Variants in FGF14 observed in about 807,000 individuals in gnomAD.
FGF14 encodes fibroblast growth factor 14.
Under a neutral mutation model 25.5 loss-of-function variants are expected in FGF14, and 5 were observed. That is an observed-to-expected ratio of 0.20 (90% CI 0.10 to 0.41). The LOEUF is 0.41. Among genes scored for constraint, FGF14 ranks in the 10% least tolerant of loss-of-function variants. FGF14 has a pLI of 1.00. For missense variants in FGF14, 222 were observed against 320.1 expected, an observed-to-expected ratio of 0.69 and a Z score of 2.34; for synonymous variants, 138 against 118.3, an observed-to-expected ratio of 1.17 and a Z score of -1.08.
intron 3 of FGF14, among the ~76,000 whole-genome samples, chr13:101,848,846 T>TA (rs1247831133): frequency 6.6e-6 from 1 of 151,670 alleles, no homozygotes; most frequent in African/African-American, 2.4e-5. Context: ...TATATAAAAA[T>TA]AAAAAAATAA....
Position 102,113,419 on chromosome 13 carries a change from T to C in FGF14, c.209-238123A>G, listed in dbSNP as rs186883097. ...CATGCAGCAATCCCAGAAGGTGGCA[T>C]AGCAGAATACAACACCCTTCTTTAA... On this transcript the variant is annotated intron_variant, in intron 1 of 4. Transcript: ENST00000376131. Among the ~76,000 whole-genome samples, 28 of 152,328 alleles carry C rather than the reference T, an allele frequency of 1.8e-4. No individual in the cohort carries two copies. In the East Asian group the frequency reaches 5.2e-3, roughly 28 times the overall value.
intron 1 of FGF14, among the ~76,000 whole-genome samples, chr13:102,044,888 T>C (rs1595093933): frequency 6.6e-6 from 1 of 152,278 alleles, no homozygotes; most frequent in Admixed American, 6.5e-5. Flanking sequence ...ATACTCTAGA[T>C]CTATTGGAGA....
intron 1 of FGF14, among the ~76,000 whole-genome samples, chr13:102,129,311 C>T (rs1022868254): frequency 2.6e-5 from 4 of 151,562 alleles, no homozygotes; most frequent in African/African-American, 4.8e-5. Context: ...TTTTTCACTC[C>T]ATGTTGAACT....
In FGF14 at chr13:102,072,544, T is replaced by C. The variant is rs565539495; in HGVS notation, c.209-197248A>G. ...TTCTTAACAAATTTAATGATAGCCC[T>C]TCCCAAAATTCTACCAACACTGTCA... is the stretch of plus-strand genomic sequence containing the variant. On this transcript the variant is annotated intron_variant, in intron 1 of 4. Coordinates refer to the FGF14 transcript ENST00000376131. 1.7e-3 allele frequency among the ~76,000 whole-genome samples: 254 copies of C among 152,310 alleles called. 1 individual carries two copies. Among genetic ancestry groups the C allele is most frequent in the African/African-American group, 5.4e-3 (226 of 41,562 alleles).
chr13:102,040,671 T>A (rs2139994541), intron 1 of FGF14, among the ~76,000 whole-genome samples: 1 of 152,286 alleles, frequency 6.6e-6, no homozygotes, highest in South Asian at 2.1e-4. Context: ...TCTGCTTCCG[T>A]GTGTTAAAGC....
intron 1 of FGF14, among the ~76,000 whole-genome samples, chr13:102,230,846 T>A (rs1327580194): frequency 6.6e-6 from 1 of 152,192 alleles, no homozygotes; most frequent in Non-Finnish European, 1.5e-5. Context: ...ATTAAATGAA[T>A]GTATAATTAT....
chr13:102,105,452 A>C (rs1337374401), intron 1 of FGF14, among the ~76,000 whole-genome samples: 3 of 152,202 alleles, frequency 2.0e-5, no homozygotes, highest in Non-Finnish European at 4.4e-5. Context: ...AATATTTGAA[A>C]AAATGGGGGA....
At chr13:102,254,821 C>G (rs2052361014) in intron 1 of FGF14, among the ~76,000 whole-genome samples, 2 of 152,164 alleles carry the variant, frequency 1.3e-5, no homozygotes, top group South Asian at 4.2e-4. Context: ...CAGTTGGGAA[C>G]CACTGACATA....
At chr13:101,907,388 G>A (rs1019583984) in intron 1 of FGF14, among the ~76,000 whole-genome samples, 5 of 152,292 alleles carry the variant, frequency 3.3e-5, no homozygotes, top group South Asian at 2.1e-4. Flanking sequence ...AAGGGTACTG[G>A]TTGGGTAAAT....
At chr13:101,754,711 G>A (rs761147710) in intron 3 of FGF14, among the ~76,000 whole-genome samples, 24 of 151,996 alleles carry the variant, frequency 1.6e-4, no homozygotes, top group Non-Finnish European at 2.9e-4. Context: ...CCTGGGTGAC[G>A]AAGTAAGACT....
chr13:101,794,992 G>A (rs962819876), intron 3 of FGF14, among the ~76,000 whole-genome samples: 2 of 152,102 alleles, frequency 1.3e-5, no homozygotes, highest in African/African-American at 4.8e-5. Context: ...CTGCATAAAT[G>A]CAGCAAAACC....
At chr13:101,783,732 T>A (rs1164546423) in intron 3 of FGF14, among the ~76,000 whole-genome samples, 4 of 152,200 alleles carry the variant, frequency 2.6e-5, no homozygotes. Context: ...GGCATCTTTG[T>A]CATGAAAATC....
chr13:102,140,127 T>C (rs888525983), intron 1 of FGF14, among the ~76,000 whole-genome samples: 1 of 144,406 alleles, frequency 6.9e-6, no homozygotes, highest in Non-Finnish European at 1.5e-5. Flanking sequence ...ATTTGGAGAA[T>C]CTTATTAGTT....
upstream of FGF14, chr13:102,401,982 C>G: frequency 2.4e-6 from 1 of 420,306 alleles, no homozygotes; most frequent in Non-Finnish European, 4.3e-6. Context: ...GGTGGATCTG[C>G]AGAAGGCAAA....
At chr13:101,812,666 T>TTC (rs2041634811) in intron 3 of FGF14, among the ~76,000 whole-genome samples, 1 of 108,324 alleles carries the variant, frequency 9.2e-6, no homozygotes, top group African/African-American at 3.5e-5. Flanking sequence ...TTTTTTTTTT[T>TTC]TTTTTTTTTT....
At chr13:102,334,003 C>T (rs777225256) in intron 1 of FGF14, among the ~76,000 whole-genome samples, 1 of 152,128 alleles carries the variant, frequency 6.6e-6, no homozygotes, top group Admixed American at 6.5e-5. Context: ...GCTTGGCATG[C>T]CTGGTAGTCA....
At chr13:102,267,006 G>T (rs964913102) in intron 1 of FGF14, among the ~76,000 whole-genome samples, 4 of 151,994 alleles carry the variant, frequency 2.6e-5, no homozygotes, top group African/African-American at 9.7e-5. Flanking sequence ...TTTAACAAAA[G>T]AAGTCTTTCT....
intron 1 of FGF14, among the ~76,000 whole-genome samples, chr13:102,007,527 G>C (rs543473608): frequency 6.6e-6 from 1 of 152,198 alleles, no homozygotes. Flanking sequence ...AACAAAGCAT[G>C]AATCAAGACT....
At chr13:101,885,111 T>C (rs890479751) in intron 1 of FGF14, among the ~76,000 whole-genome samples, 3 of 152,222 alleles carry the variant, frequency 2.0e-5, no homozygotes, top group African/African-American at 7.2e-5. Context: ...AATGTTTTGA[T>C]ACTTCATAAA....
Sources: gnomAD v4.1 joint callset for allele counts (sites outside exome capture counted in the v4.1 genomes callset) on GRCh38, gnomAD v4.1.1 for gene constraint, MANE v1.5 for transcripts, NCBI Gene and HGNC (gene_info 2026-07-23, HGNC 2026-07-21) for gene names.